PCCA: variants seen among roughly 807,000 people sequenced by gnomAD.
The protein encoded by PCCA is propionyl-CoA carboxylase alpha chain, mitochondrial.
PCCA carries 74 observed loss-of-function variants against 101.3 expected under a neutral mutation model. The ratio of observed to expected loss-of-function variants is 0.73; its 90% confidence interval spans 0.61 to 0.89. The LOEUF is 0.89. Ranked by LOEUF, PCCA falls within the 40% of genes least tolerant of loss-of-function variation. The pLI, the probability that PCCA is intolerant of heterozygous loss-of-function variation, is 0.00. For missense variants in PCCA, 891 were observed against 907.0 expected (o/e 0.98, Z 0.23); for synonymous variants, 294 against 313.6 (o/e 0.94, Z 0.66).
intron 21 of PCCA, among the ~76,000 whole-genome samples, chr13:100,455,671 T>G (rs1223956650): frequency 2.0e-5 from 3 of 152,188 alleles, no homozygotes; most frequent in African/African-American, 7.2e-5. Flanking sequence ...TACGTGGGTA[T>G]ATGTGTACTG....
intron 19 of PCCA, among the ~76,000 whole-genome samples, chr13:100,385,565 T>A (rs1206844475): frequency 6.6e-6 from 1 of 152,238 alleles, no homozygotes; most frequent in African/African-American, 2.4e-5. Context: ...GAGATACGAT[T>A]TTCCATGCAC....
At chr13:100,201,114 C>A (rs183683186) in intron 6 of PCCA, among the ~76,000 whole-genome samples, 35 of 152,150 alleles carry the variant, frequency 2.3e-4, no homozygotes, top group Non-Finnish European at 3.8e-4. Flanking sequence ...TGTATTTGTA[C>A]ATAATCTTCC....
intron 22 of PCCA, among the ~76,000 whole-genome samples, chr13:100,524,871 C>CT (rs1260536775): frequency 2.6e-5 from 4 of 151,776 alleles, no homozygotes; most frequent in African/African-American, 4.8e-5. Flanking sequence ...GATTCTGTCT[C>CT]TAAGATAGAT....
Position 100,330,660 on chromosome 13 carries a change from A to G in PCCA, c.1529A>G (p.Asp510Gly). The G allele has an allele frequency of 6.3e-7, 1 of 1,595,570 alleles. No homozygotes were observed. The highest frequency in any genetic ancestry group is 8.6e-7 in the Non-Finnish European group (1 of 1,163,304). Residue 510 changes from aspartate (D) to glycine (G), a missense_variant, in exon 17 of 24, where the codon GAT (aspartate) becomes GGT (glycine). Asp to Gly is a moderately conservative substitution (Grantham distance 94, BLOSUM62 -1). Coordinates refer to ENST00000376285, the MANE Select transcript of PCCA (RefSeq NM_000282.4). ...STKFLSDVYP[D>G]GFKGHMLTKS... ...AAATTTCTCTCCGATGTGTATCCTG[A>G]TGGCTTCAAAGGTTTGTATGCATTA... is the stretch of plus-strand genomic sequence containing the variant.
chr13:100,349,092 A>C (rs979504840), intron 18 of PCCA, among the ~76,000 whole-genome samples: 12 of 151,376 alleles, frequency 7.9e-5, no homozygotes, highest in African/African-American at 2.9e-4. Context: ...ACAGGCATGC[A>C]CCGCCAGGCC....
intron 8 of PCCA, among the ~76,000 whole-genome samples, chr13:100,253,124 A>G (rs376324852): frequency 1.5e-3 from 227 of 152,274 alleles, no homozygotes; most frequent in African/African-American, 5.0e-3. Flanking sequence ...AGCAGTCATC[A>G]CTATCTTACA....
chr13:100,504,666 G>A (rs1400893857), intron 21 of PCCA, among the ~76,000 whole-genome samples: 1 of 152,206 alleles, frequency 6.6e-6, no homozygotes, highest in South Asian at 2.1e-4. Context: ...GCCGGGCACC[G>A]TGGCTCACAC....
intron 6 of PCCA, among the ~76,000 whole-genome samples, chr13:100,201,548 A>C (rs938200090): frequency 6.6e-6 from 1 of 152,082 alleles, no homozygotes; most frequent in Admixed American, 6.6e-5. Context: ...CTTTTCTTAG[A>C]TCATGGACTG....
At chr13:100,203,273 CAA>C (rs998482300) in intron 6 of PCCA, among the ~76,000 whole-genome samples, 23 of 64,226 alleles carry the variant, frequency 3.6e-4, no homozygotes, top group Admixed American at 5.4e-4. Context: ...GACTCCGTCT[CAA>C]AAAAAAAAAA....
chr13:100,189,823 A>G (rs370579045), intron 6 of PCCA, among the ~76,000 whole-genome samples: 17 of 152,230 alleles, frequency 1.1e-4, no homozygotes, highest in African/African-American at 4.1e-4. Flanking sequence ...TTATTATTTT[A>G]AATCCATAAA....
intron 21 of PCCA, among the ~76,000 whole-genome samples, chr13:100,506,040 A>G (rs1032630614): frequency 2.0e-5 from 3 of 152,244 alleles, no homozygotes; most frequent in Non-Finnish European, 4.4e-5. Context: ...GCTTGATTTT[A>G]GAGTTGACAT....
intron 6 of PCCA, among the ~76,000 whole-genome samples, chr13:100,197,939 G>A (rs1484541077): frequency 5.9e-5 from 9 of 152,100 alleles, no homozygotes; most frequent in Non-Finnish European, 1.2e-4. Flanking sequence ...GAGTAATATT[G>A]CGTAGGAGTA....
At chr13:100,412,569 G>A (rs1434903346) in intron 19 of PCCA, among the ~76,000 whole-genome samples, 1 of 152,196 alleles carries the variant, frequency 6.6e-6, no homozygotes, top group Admixed American at 6.5e-5. Flanking sequence ...AAATTTAACA[G>A]TTAAAAGTAA....
At chr13:100,440,399 A>G (rs938422345) in intron 20 of PCCA, among the ~76,000 whole-genome samples, 6 of 151,396 alleles carry the variant, frequency 4.0e-5, no homozygotes, top group African/African-American at 7.3e-5. Context: ...AGTTTTGAAG[A>G]AAATAAATTG....
chr13:100,508,690 T>G (rs369161889), intron 21 of PCCA, among the ~76,000 whole-genome samples: 2 of 152,350 alleles, frequency 1.3e-5, no homozygotes, highest in African/African-American at 4.8e-5. Flanking sequence ...GTGTTGGTTT[T>G]GGCTGCAGGC....
chr13:100,305,279 T>C (rs1227901410), intron 14 of PCCA, among the ~76,000 whole-genome samples: 1 of 152,204 alleles, frequency 6.6e-6, no homozygotes, highest in Non-Finnish European at 1.5e-5. Context: ...GATCATAATA[T>C]TAGTAAATAA....
At position 100,156,504 on chromosome 13, in the gene PCCA, G is replaced by A. The variant is rs9518011; in HGVS notation, c.415-783G>A. Among the ~76,000 whole-genome samples the A allele has an allele frequency of 3.9e-5, 6 of 152,154 alleles. No individual in the cohort carries two copies. In the South Asian group the frequency reaches 8.3e-4, roughly 21 times the overall value. On this transcript the variant is annotated intron_variant, in intron 5 of 23. Coordinates refer to ENST00000376285, the MANE Select transcript of PCCA (RefSeq NM_000282.4). ...CAACACTGGCTGATACTGAAGTGGCGAAATTTATGTTTGGCCAGTCTGGGA... is the reference window on the plus strand; with the variant it reads ...CAACACTGGCTGATACTGAAGTGGCAAAATTTATGTTTGGCCAGTCTGGGA...
intron 2 of PCCA, among the ~76,000 whole-genome samples, chr13:100,104,828 C>G (rs1322186125): frequency 1.3e-5 from 2 of 152,024 alleles, no homozygotes; most frequent in African/African-American, 4.8e-5. Context: ...CTCAGCCTCC[C>G]GAGTAGCTGG....
chr13:100,280,814 C>T (rs2064045581), intron 12 of PCCA, among the ~76,000 whole-genome samples: 2 of 152,100 alleles, frequency 1.3e-5, no homozygotes, highest in Admixed American at 6.5e-5. Context: ...GATGAAATCT[C>T]ACACCATCCT....
Sources: gnomAD v4.1 joint callset for allele counts (sites outside exome capture counted in the v4.1 genomes callset) on GRCh38, gnomAD v4.1.1 for gene constraint, MANE v1.5 for transcripts, NCBI Gene and HGNC (gene_info 2026-07-23, HGNC 2026-07-21) for gene names.